The following HMG20A variants were observed in gnomAD, a reference collection of about 807,000 sequenced individuals.
The protein encoded by HMG20A is high mobility group protein 20A.
In HMG20A, 17 loss-of-function variants were observed where a neutral mutation model predicts 43.9. The observed-to-expected ratio is 0.39, with a 90% CI of 0.27 to 0.58. The LOEUF is 0.58. Ranked by LOEUF, HMG20A falls within the 20% of genes least tolerant of loss-of-function variation. The pLI is 0.59. For missense variants in HMG20A, 341 were observed against 438.2 expected, an observed-to-expected ratio of 0.78 and a Z score of 1.98; for synonymous variants, 132 against 147.5, an observed-to-expected ratio of 0.89 and a Z score of 0.76.
intron 1 of HMG20A, among the ~76,000 whole-genome samples, chr15:77,439,645 A>G (rs1364266999): frequency 6.6e-6 from 1 of 152,154 alleles, no homozygotes; most frequent in Non-Finnish European, 1.5e-5. Flanking sequence ...TGATGGACAC[A>G]TGGGTTGGTT....
the HMG20A span, among the ~76,000 whole-genome samples, chr15:77,510,472 C>T: frequency 6.6e-6 from 1 of 152,230 alleles, no homozygotes; most frequent in Non-Finnish European, 1.5e-5. Context: ...TAAAGCGCAG[C>T]TTAAATGCAC....
chr15:77,504,620 A>C, the HMG20A span, among the ~76,000 whole-genome samples: 1 of 152,212 alleles, frequency 6.6e-6, no homozygotes, highest in Non-Finnish European at 1.5e-5. Flanking sequence ...AGAGCTATGC[A>C]AATACCAGCA....
chr15:77,508,250 G>A, the HMG20A span, among the ~76,000 whole-genome samples: 1 of 152,082 alleles, frequency 6.6e-6, no homozygotes, highest in African/African-American at 2.4e-5. Context: ...TCCAGCCACT[G>A]CCCCTTCCCG....
At position 77,466,556 on chromosome 15, in the gene HMG20A, C is replaced by T. The variant is rs77479588; in HGVS notation, c.238-539C>T. ...TATCTGCTATGGGAAATAAGCTAGT[C>T]TTTGAAAGTTATCAATGAGCAACTC... is the stretch of plus-strand genomic sequence containing the variant. On this transcript the variant is annotated intron_variant, in intron 3 of 9. Coordinates refer to ENST00000336216, the MANE Select transcript of HMG20A (RefSeq NM_001304504.2). 7.2e-3 allele frequency among the ~76,000 whole-genome samples: 1,103 copies of T among 152,268 alleles called. 15 individuals are homozygous for T. The highest frequency in any genetic ancestry group is 0.025 in the African/African-American group (1,047 of 41,550).
chr15:77,467,009 T>C, intron 3 of HMG20A, 86 bp from the exon 4 acceptor site: 3 of 1,088,310 alleles, frequency 2.8e-6, no homozygotes, highest in Non-Finnish European at 4.0e-6. Flanking sequence ...GTTTTGTTTG[T>C]TGTTGTTTGT....
At chr15:77,439,028 C>G (rs1473486581) in intron 1 of HMG20A, among the ~76,000 whole-genome samples, 1 of 152,104 alleles carries the variant, frequency 6.6e-6, no homozygotes, top group Non-Finnish European at 1.5e-5. Context: ...CTCCTTACCT[C>G]GTGATCCACC....
chr15:77,447,455 C>T (rs2073686845), intron 1 of HMG20A, among the ~76,000 whole-genome samples: 1 of 152,140 alleles, frequency 6.6e-6, no homozygotes, highest in Non-Finnish European at 1.5e-5. Flanking sequence ...TGACAGTTCT[C>T]CATCAAGGTT....
chr15:77,445,205 G>C (rs1246206140), intron 1 of HMG20A, among the ~76,000 whole-genome samples: 1 of 152,182 alleles, frequency 6.6e-6, no homozygotes, highest in African/African-American at 2.4e-5. Context: ...GCCTGTAAAA[G>C]GAAGAAACAT....
At chr15:77,465,761 G>A (rs2072751482) in intron 3 of HMG20A, among the ~76,000 whole-genome samples, 1 of 152,192 alleles carries the variant, frequency 6.6e-6, no homozygotes, top group Non-Finnish European at 1.5e-5. Context: ...AATTTGCCCA[G>A]TGGTGAATTA....
At chr15:77,431,448 G>A (rs1222840967) in intron 1 of HMG20A, among the ~76,000 whole-genome samples, 2 of 152,156 alleles carry the variant, frequency 1.3e-5, no homozygotes, top group Non-Finnish European at 2.9e-5. Flanking sequence ...CTGACCTCAG[G>A]TGATTTGCCT....
intron 1 of HMG20A, among the ~76,000 whole-genome samples, chr15:77,455,550 A>G (rs2072645857): frequency 6.6e-6 from 1 of 152,032 alleles, no homozygotes; most frequent in Non-Finnish European, 1.5e-5. Context: ...GCTTCCTGGT[A>G]GAAGCCTTCA....
At chr15:77,440,100 G>A (rs980315919) in intron 1 of HMG20A, among the ~76,000 whole-genome samples, 2 of 152,044 alleles carry the variant, frequency 1.3e-5, no homozygotes, top group African/African-American at 4.8e-5. Flanking sequence ...GGGAATATAT[G>A]TATTACAAAT....
At chr15:77,463,426 C>T (rs1485332879) in intron 2 of HMG20A, among the ~76,000 whole-genome samples, 1 of 152,170 alleles carries the variant, frequency 6.6e-6, no homozygotes, top group Admixed American at 6.5e-5. Flanking sequence ...GAATATTACT[C>T]TATTATCCAT....
At chr15:77,452,868 T>C (rs1306793395) in intron 1 of HMG20A, among the ~76,000 whole-genome samples, 1 of 152,324 alleles carries the variant, frequency 6.6e-6, no homozygotes, top group East Asian at 1.9e-4. Flanking sequence ...GTGTCTAGTA[T>C]CTACAATATA....
the HMG20A span, among the ~76,000 whole-genome samples, chr15:77,493,941 A>C: frequency 1.0e-3 from 152 of 152,284 alleles, 2 homozygotes; most frequent in African/African-American, 3.5e-3. Flanking sequence ...ATTTATATTG[A>C]CAATTCTAGA....
At chr15:77,482,107 A>G (rs1382895619) in intron 9 of HMG20A, 1 of 152,212 alleles carries the variant, frequency 6.6e-6, no homozygotes, top group Non-Finnish European at 1.5e-5. Context: ...CAAGACTAGA[A>G]CCACAGATAT....
Position 77,474,288 on chromosome 15 carries a change from A to G in HMG20A, c.615+2474A>G, listed in dbSNP as rs79207417. 7.3e-3 allele frequency among the ~76,000 whole-genome samples: 1,105 copies of G among 152,326 alleles called. 14 individuals carry two copies. Among genetic ancestry groups the G allele is most frequent in the African/African-American group, 0.025 (1,049 of 41,572 alleles). ...TGTCTAAAGACCATAGATCCTAAATACATACTTATTTCCCTTTACTTATCC... is the reference window on the plus strand; with the variant it reads ...TGTCTAAAGACCATAGATCCTAAATGCATACTTATTTCCCTTTACTTATCC... On this transcript the variant is annotated intron_variant, in intron 6 of 9. Coordinates refer to ENST00000336216, the MANE Select transcript of HMG20A (RefSeq NM_001304504.2).
chr15:77,441,313 G>A (rs1474917441), intron 1 of HMG20A, among the ~76,000 whole-genome samples: 1 of 152,104 alleles, frequency 6.6e-6, no homozygotes. Context: ...GAATTCAGAA[G>A]TGCATACCAT....
At chr15:77,458,185 A>T (rs1401799618) in intron 1 of HMG20A, 1 of 376,534 alleles carries the variant, frequency 2.7e-6, no homozygotes, top group African/African-American at 2.1e-5. Flanking sequence ...TTAAAACCTA[A>T]CTTGTTTTCA....
Sources: allele counts gnomAD v4.1 joint callset (sites outside exome capture counted in the v4.1 genomes callset), GRCh38; gene constraint gnomAD v4.1.1; transcripts MANE v1.5; gene names NCBI Gene and HGNC (gene_info 2026-07-23, HGNC 2026-07-21).